Variants in RORB observed in about 807,000 individuals in gnomAD.
The protein encoded by RORB is nuclear receptor ROR-beta.
In RORB, 6 loss-of-function variants were observed where a neutral mutation model predicts 59.1. The observed-to-expected ratio is 0.10, with a 90% CI of 0.06 to 0.20. The LOEUF is 0.20. Ranked by LOEUF, RORB falls within the 10% of genes least tolerant of loss-of-function variation. RORB has a pLI of 1.00. For missense variants in RORB, 320 were observed against 560.5 expected, an observed-to-expected ratio of 0.57 and a Z score of 4.33; for synonymous variants, 215 against 204.5, an observed-to-expected ratio of 1.05 and a Z score of -0.44.
In RORB at chr9:74,690,850, C is replaced by G. The variant is rs549572028; in HGVS notation, c.*5232C>G. 1 of 151,968 alleles carries G rather than the reference C, an allele frequency of 6.6e-6. No individual in the cohort carries two copies. The allele number at this position is 151,968 out of a possible 1,614,324, so 9.4% of individuals were successfully genotyped here. A position where few individuals can be genotyped will look rare whatever the true frequency, so the allele number is the denominator to read the frequency against. ...CACTCCAACTTGTCTTGCCCAAACT[C>G]CCTTCTTCATAGAGCCAGGGGGCTG... On this transcript the variant is annotated 3_prime_UTR_variant, in exon 10 of 10. Transcript: ENST00000376896.
intron 9 of RORB, among the ~76,000 whole-genome samples, chr9:74,675,382 A>C (rs767771130): frequency 7.9e-5 from 12 of 151,846 alleles, no homozygotes; most frequent in Non-Finnish European, 1.5e-4. Context: ...TAGAGGAGGC[A>C]GCCCATCTGT....
At chr9:74,663,602 C>T (rs1477049859) in intron 6 of RORB, among the ~76,000 whole-genome samples, 4 of 152,206 alleles carry the variant, frequency 2.6e-5, no homozygotes, top group African/African-American at 7.2e-5. Context: ...TTATTTCTTT[C>T]GCTCTCAAAG....
intron 1 of RORB, among the ~76,000 whole-genome samples, chr9:74,594,686 C>T (rs1239653799): frequency 6.6e-6 from 1 of 152,140 alleles, no homozygotes; most frequent in African/African-American, 2.4e-5. Context: ...TTACTTTCTT[C>T]TTTACATCTC....
chr9:74,660,054 A>G (rs1012650895), intron 4 of RORB, among the ~76,000 whole-genome samples: 1 of 152,156 alleles, frequency 6.6e-6, no homozygotes, highest in Non-Finnish European at 1.5e-5. Flanking sequence ...ACATTGCCCC[A>G]AAGTCAAATC....
chr9:74,593,526 C>A (rs1352478062), intron 1 of RORB, among the ~76,000 whole-genome samples: 8 of 150,630 alleles, frequency 5.3e-5, no homozygotes, highest in African/African-American at 1.5e-4. Flanking sequence ...AAATAGGTAG[C>A]AAAGTTCATT....
At chr9:74,625,576 A>C (rs1823498260) in intron 1 of RORB, among the ~76,000 whole-genome samples, 1 of 152,184 alleles carries the variant, frequency 6.6e-6, no homozygotes, top group Non-Finnish European at 1.5e-5. Flanking sequence ...ATAACACTGC[A>C]CTCCAGCCTA....
chr9:74,622,772 G>A lies in RORB; in HGVS notation c.8-7510G>A, dbSNP rs552057395. The stretch of plus-strand genomic sequence containing the variant: ...GATCTCTTAACCTGGTAATCCACCC[G>A]CCTCAGCCTCCCAACATGCTGGGAT... On this transcript the variant is annotated intron_variant, in intron 1 of 9. Transcript: ENST00000376896. 7.9e-5 allele frequency among the ~76,000 whole-genome samples: 12 copies of A among 151,996 alleles called. 1 individual carries two copies. Among genetic ancestry groups the A allele is most frequent in the Admixed American group, 2.6e-4 (4 of 15,264 alleles).
intron 1 of RORB, among the ~76,000 whole-genome samples, chr9:74,558,961 G>T (rs1367472362): frequency 6.6e-6 from 1 of 152,234 alleles, no homozygotes; most frequent in South Asian, 2.1e-4. Flanking sequence ...ACATGTAAGT[G>T]GTCATTGCTA....
At chr9:74,682,460 G>T (rs1824563117) in intron 9 of RORB, among the ~76,000 whole-genome samples, 1 of 151,674 alleles carries the variant, frequency 6.6e-6, no homozygotes. Context: ...AGAAAACTGA[G>T]AGGTTAAGTG....
At chr9:74,535,681 C>T (rs1826312099) in intron 1 of RORB, among the ~76,000 whole-genome samples, 1 of 151,940 alleles carries the variant, frequency 6.6e-6, no homozygotes, top group African/African-American at 2.4e-5. Context: ...AGATGTCTGG[C>T]TGCTTCAGAA....
At chr9:74,598,763 T>C (rs1454148656) in intron 1 of RORB, among the ~76,000 whole-genome samples, 2 of 152,192 alleles carry the variant, frequency 1.3e-5, no homozygotes, top group East Asian at 3.8e-4. Flanking sequence ...ACAGAATACC[T>C]GAGGCTGGGT....
intron 1 of RORB, among the ~76,000 whole-genome samples, chr9:74,556,817 G>C (rs1014415143): frequency 2.0e-5 from 3 of 152,110 alleles, no homozygotes; most frequent in Non-Finnish European, 4.4e-5. Context: ...GGAGCTGAAT[G>C]GGGCCATAGA....
At chr9:74,625,289 A>G (rs538493633) in intron 1 of RORB, among the ~76,000 whole-genome samples, 52 of 152,306 alleles carry the variant, frequency 3.4e-4, no homozygotes, top group African/African-American at 1.2e-3. Flanking sequence ...TATATCCCCC[A>G]CAATCTCTGG....
Position 74,691,155 on chromosome 9 carries a change from T to C in RORB, c.*5537T>C, listed in dbSNP as rs1392183219. On this transcript the variant is annotated 3_prime_UTR_variant, in exon 10 of 10. Transcript: ENST00000376896. Reference sequence around the variant, plus strand: ...GATGTGAATGGGCCATAGTAATCTTTGCCTCCTGCGTGACTGTAAGCATGG... The same window carrying C: ...GATGTGAATGGGCCATAGTAATCTTCGCCTCCTGCGTGACTGTAAGCATGG... 2 of 152,228 alleles carry C rather than the reference T, an allele frequency of 1.3e-5. No individual in the cohort carries two copies. Among genetic ancestry groups the C allele is most frequent in the African/African-American group, 4.8e-5 (2 of 41,458 alleles). The allele number at this position is 152,228 out of a possible 1,614,324, so 9.4% of individuals were successfully genotyped here.
At chr9:74,510,863 T>C (rs928693921) in intron 1 of RORB, among the ~76,000 whole-genome samples, 1 of 152,062 alleles carries the variant, frequency 6.6e-6, no homozygotes, top group African/African-American at 2.4e-5. Context: ...ACAGAATGAG[T>C]AGCATCTTCA....
chr9:74,620,144 A>G (rs1352595827), intron 1 of RORB, among the ~76,000 whole-genome samples: 1 of 152,210 alleles, frequency 6.6e-6, no homozygotes, highest in Non-Finnish European at 1.5e-5. Context: ...TACCTCTGGT[A>G]GAATTCAGCT....
chr9:74,627,950 T>A (rs1202616651), intron 1 of RORB, among the ~76,000 whole-genome samples: 1 of 152,184 alleles, frequency 6.6e-6, no homozygotes, highest in Non-Finnish European at 1.5e-5. Context: ...ATTGATGTGA[T>A]GATGATGATA....
intron 4 of RORB, among the ~76,000 whole-genome samples, chr9:74,654,802 G>C (rs923553579): frequency 6.6e-6 from 1 of 152,096 alleles, no homozygotes; most frequent in African/African-American, 2.4e-5. Flanking sequence ...ACAAAGAATA[G>C]TATCAGGGTC....
At chr9:74,615,746 G>T in intron 1 of RORB, 1 of 309,848 alleles carries the variant, frequency 3.2e-6, no homozygotes, top group Non-Finnish European at 6.6e-6. Flanking sequence ...TTGATAGCTA[G>T]GTGTGGGGAC....
Sources: allele counts gnomAD v4.1 joint callset (sites outside exome capture counted in the v4.1 genomes callset), GRCh38; gene constraint gnomAD v4.1.1; transcripts MANE v1.5; gene names NCBI Gene and HGNC (gene_info 2026-07-23, HGNC 2026-07-21).